CSMD1: variants seen among roughly 807,000 people sequenced by gnomAD.
CSMD1 encodes the protein CUB and Sushi multiple domains 1.
In CSMD1, 213 loss-of-function variants were observed where a neutral mutation model predicts 417.5. That is an observed-to-expected ratio of 0.51 (90% CI 0.46 to 0.57). The LOEUF is 0.57. CSMD1 is among the 20% of genes least tolerant of loss of function. The pLI is 0.00. For missense variants in CSMD1, 6,923 were observed against 4,529.7 expected (o/e 1.53, Z -15.17); for synonymous variants, 2,862 against 1,736.8 (o/e 1.65, Z -16.11).
chr8:4,596,849 T>G (rs1800306721), intron 2 of CSMD1, among the ~76,000 whole-genome samples: 1 of 152,160 alleles, frequency 6.6e-6, no homozygotes, highest in Non-Finnish European at 1.5e-5. Flanking sequence ...GGTAATTGAA[T>G]CATGGGGGCT....
chr8:3,865,849 G>A (rs1043016526), intron 5 of CSMD1, among the ~76,000 whole-genome samples: 1 of 152,036 alleles, frequency 6.6e-6, no homozygotes, highest in Non-Finnish European at 1.5e-5. Flanking sequence ...ATTTGAGCTG[G>A]AAACACGTGT....
intron 2 of CSMD1, among the ~76,000 whole-genome samples, chr8:4,423,215 A>G (rs983385555): frequency 6.6e-6 from 1 of 152,110 alleles, no homozygotes; most frequent in Non-Finnish European, 1.5e-5. Context: ...TGCAAATACA[A>G]TAATACAAGA....
intron 1 of CSMD1, among the ~76,000 whole-genome samples, chr8:4,654,561 T>C (rs755292313): frequency 6.6e-6 from 1 of 152,056 alleles, no homozygotes; most frequent in Non-Finnish European, 1.5e-5. Flanking sequence ...GGGGGAGGAA[T>C]GGAGGGATGT....
At chr8:3,819,191 A>G (rs957041505) in intron 5 of CSMD1, among the ~76,000 whole-genome samples, 5 of 152,094 alleles carry the variant, frequency 3.3e-5, no homozygotes, top group South Asian at 2.1e-4. Flanking sequence ...GTGAAACTCA[A>G]TGTCTCCCAG....
chr8:4,374,907 C>T (rs1287248509), intron 3 of CSMD1, among the ~76,000 whole-genome samples: 9 of 126,564 alleles, frequency 7.1e-5, no homozygotes, highest in Non-Finnish European at 1.4e-4. Flanking sequence ...ATGATCTGTT[C>T]CAGGTTTCTA....
chr8:4,416,286 A>G (rs1225829021), intron 3 of CSMD1, among the ~76,000 whole-genome samples: 1 of 152,184 alleles, frequency 6.6e-6, no homozygotes, highest in East Asian at 1.9e-4. Flanking sequence ...TAAAGAATAC[A>G]ATTAACTTCC....
chr8:3,242,554 G>C (rs1036183343), intron 26 of CSMD1, among the ~76,000 whole-genome samples: 18 of 152,050 alleles, frequency 1.2e-4, no homozygotes, highest in Non-Finnish European at 2.2e-4. Context: ...TGACTATTTG[G>C]AACCACTGTC....
chr8:3,963,536 T>G (rs550287556), intron 5 of CSMD1, among the ~76,000 whole-genome samples: 4 of 152,336 alleles, frequency 2.6e-5, no homozygotes, highest in African/African-American at 9.6e-5. Flanking sequence ...TTTTCTATTA[T>G]AAACATAAAA....
chr8:3,858,342 C>T (rs914439676), intron 5 of CSMD1, among the ~76,000 whole-genome samples: 4 of 152,118 alleles, frequency 2.6e-5, no homozygotes, highest in African/African-American at 9.6e-5. Flanking sequence ...GAGAAAAATG[C>T]TTAAAATATT....
chr8:3,482,760 C>T, intron 11 of CSMD1, among the ~76,000 whole-genome samples: 1 of 152,070 alleles, frequency 6.6e-6, no homozygotes, highest in Non-Finnish European at 1.5e-5. Flanking sequence ...TTCAAATGAA[C>T]TGAAATCATA....
intron 2 of CSMD1, among the ~76,000 whole-genome samples, chr8:4,489,463 G>A (rs1002264487): frequency 2.6e-5 from 4 of 152,182 alleles, no homozygotes; most frequent in African/African-American, 7.2e-5. Flanking sequence ...TAAAATGGGT[G>A]CTGAGGGGAA....
chr8:3,883,194 T>C (rs762351468), intron 5 of CSMD1, among the ~76,000 whole-genome samples: 19 of 152,162 alleles, frequency 1.2e-4, no homozygotes, highest in Non-Finnish European at 1.9e-4. Context: ...ATGCAAGAAA[T>C]GCAATTTACT....
intron 3 of CSMD1, among the ~76,000 whole-genome samples, chr8:4,394,937 C>G (rs1436065052): frequency 1.3e-5 from 2 of 152,170 alleles, no homozygotes; most frequent in East Asian, 3.9e-4. Context: ...TCTCAACTCA[C>G]AGCTCAAGAA....
rs773026625 is a variant in CSMD1, at chr8:4,212,453, G to A, written c.416-180354C>T. Among the ~76,000 whole-genome samples the A allele has an allele frequency of 4.5e-4, 69 of 152,160 alleles. No homozygotes were observed. The East Asian group carries it at 8.3e-3, about 18-fold the overall frequency. ...GGTAGTTCAGAAAATCATGAAAAAT[G>A]TACTTAACATTTGTCCTTTCAGACT... On this transcript the variant is annotated intron_variant, in intron 3 of 69. Transcript: ENST00000635120.
At chr8:3,444,166 G>A (rs908567124) in intron 12 of CSMD1, among the ~76,000 whole-genome samples, 4 of 152,156 alleles carry the variant, frequency 2.6e-5, no homozygotes, top group African/African-American at 9.7e-5. Context: ...TAAGTGTCCA[G>A]ATCATAATGT....
chr8:3,229,892 T>C (rs1798732462), intron 27 of CSMD1, 148 bp downstream of exon 27: 3 of 565,118 alleles, frequency 5.3e-6, no homozygotes, highest in Non-Finnish European at 6.0e-6. Context: ...AGGTTTACAA[T>C]AAAATTTCAG....
intron 12 of CSMD1, among the ~76,000 whole-genome samples, chr8:3,427,515 G>C (rs904515500): frequency 1.3e-5 from 2 of 151,820 alleles, no homozygotes; most frequent in Admixed American, 6.6e-5. Flanking sequence ...ATTTAATAAG[G>C]ATGAAGTAAA....
At chr8:4,453,391 G>A (rs1160335212) in intron 2 of CSMD1, among the ~76,000 whole-genome samples, 1 of 152,190 alleles carries the variant, frequency 6.6e-6, no homozygotes, top group Non-Finnish European at 1.5e-5. Context: ...AGAACTTGGT[G>A]CTGAAGTCAG....
chr8:3,161,453 C>G (rs1312029314), intron 38 of CSMD1, among the ~76,000 whole-genome samples: 1 of 151,852 alleles, frequency 6.6e-6, no homozygotes, highest in East Asian at 1.9e-4. Context: ...CCCATCTCTA[C>G]TAAAAATACA....
Sources: allele counts gnomAD v4.1 joint callset (sites outside exome capture counted in the v4.1 genomes callset), GRCh38; gene constraint gnomAD v4.1.1; transcripts MANE v1.5; gene names NCBI Gene and HGNC (gene_info 2026-07-23, HGNC 2026-07-21).